CEP162: variants seen among roughly 807,000 people sequenced by gnomAD.
The protein encoded by CEP162 is centrosomal protein of 162 kDa.
In CEP162, 141 loss-of-function variants were observed where a neutral mutation model predicts 169.2. That is an observed-to-expected ratio of 0.83 (90% CI 0.73 to 0.96). The LOEUF is 0.96. Ranked by LOEUF, CEP162 falls within the 40% of genes least tolerant of loss-of-function variation. CEP162 has a pLI of 0.00. For synonymous variants in CEP162, 540 were observed against 526.4 expected, an observed-to-expected ratio of 1.03 and a Z score of -0.35; for missense variants, 1,600 against 1,587.2, an observed-to-expected ratio of 1.01 and a Z score of -0.14.
chr6:84,151,808 T>C (rs184436237), intron 23 of CEP162, among the ~76,000 whole-genome samples: 13 of 152,072 alleles, frequency 8.5e-5, no homozygotes, highest in Admixed American at 5.9e-4. Flanking sequence ...TGGTCAACAT[T>C]GTTGAAGAAA....
chr6:84,188,349 G>C (rs924068286), intron 11 of CEP162, among the ~76,000 whole-genome samples: 77 of 152,110 alleles, frequency 5.1e-4, no homozygotes, highest in African/African-American at 1.8e-3. Context: ...AATAAGCATA[G>C]TACCCAATAG....
At chr6:84,160,770 A>G in intron 21 of CEP162, 42 bp downstream of exon 21, 1 of 1,213,714 alleles carries the variant, frequency 8.2e-7, no homozygotes, top group Non-Finnish European at 1.2e-6. Context: ...AAAATGCACT[A>G]TATATAAAAT....
In CEP162 at chr6:84,200,903, C is replaced by G; in HGVS notation, c.721G>C (p.Val241Leu). The change falls in exon 9 of 27, where the codon GTG becomes CTG. Residue 241 changes from valine (V) to leucine (L), a missense_variant and splice_region_variant. Coordinates refer to ENST00000403245, the MANE Select transcript of CEP162 (RefSeq NM_014895.4). ...EEKTGMLANVVLLDSLDSVAE... is the reference protein window; with the variant it reads ...EEKTGMLANVLLLDSLDSVAE... ...ACAGAGTCTAATGAATCAAGCAGCA[C>G]AACTGGAAGAATATAAAAGAAAAAT... 5 of 1,566,546 alleles carry G rather than the reference C, an allele frequency of 3.2e-6. No homozygotes were observed. Among genetic ancestry groups the G allele is most frequent in the Non-Finnish European group, 4.4e-6 (5 of 1,139,360 alleles).
At chr6:84,198,363 C>T (rs1220711805) in intron 9 of CEP162, among the ~76,000 whole-genome samples, 5 of 152,018 alleles carry the variant, frequency 3.3e-5, no homozygotes, top group Admixed American at 2.0e-4. Flanking sequence ...CTGCAACCTC[C>T]GCCTCCCAGG....
chr6:84,187,721 T>G (rs940021879), intron 11 of CEP162, among the ~76,000 whole-genome samples: 7 of 152,192 alleles, frequency 4.6e-5, no homozygotes, highest in Non-Finnish European at 8.8e-5. Flanking sequence ...TGTTTTACAG[T>G]GGCAAAACAT....
In CEP162 at chr6:84,194,928, TGAG is replaced by T. The variant is rs772032646; in HGVS notation, c.980_982del (p.Pro327del). On this transcript the variant is annotated inframe_deletion, in exon 10 of 27. Transcript: ENST00000403245. The stretch of plus-strand genomic sequence containing the variant: ...GTTTTTTGAATTCTCTTCATTTTCT[TGAG>T]GATGACCTTTCACTGAGCTCTTGAT... 103 of 1,612,196 alleles carry T rather than the reference TGAG, an allele frequency of 6.4e-5. No individual in the cohort carries two copies. The highest frequency in any genetic ancestry group is 8.2e-5 in the Non-Finnish European group (97 of 1,179,462).
At chr6:84,149,844 G>C (rs2099520448) in intron 23 of CEP162, 141 bp from the exon 24 acceptor site, 6 of 550,042 alleles carry the variant, frequency 1.1e-5, no homozygotes, top group Non-Finnish European at 8.9e-6. Context: ...TGTGTTAGGT[G>C]CTTTATACAT....
At chr6:84,191,097 GATT>G (rs1380640453) in intron 11 of CEP162, among the ~76,000 whole-genome samples, 1 of 151,762 alleles carries the variant, frequency 6.6e-6, no homozygotes, top group Non-Finnish European at 1.5e-5. Flanking sequence ...GGACCAAAGC[GATT>G]ATTAAGTTAC....
In CEP162 at chr6:84,153,599, T is replaced by C. The variant is rs544850945; in HGVS notation, c.2995-420A>G. ...CACATTTTCAACCTTCTAACATCAA[T>C]TTATTACTTTCATAGAGAGTAAAAT... On this transcript the variant is annotated intron_variant, in intron 22 of 26. Transcript: ENST00000403245. Among the ~76,000 whole-genome samples, 841 of 152,292 alleles carry C rather than the reference T, an allele frequency of 5.5e-3. 5 individuals are homozygous for C. Among genetic ancestry groups the C allele is most frequent in the Non-Finnish European group, 8.7e-3 (593 of 68,028 alleles).
chr6:84,173,929 C>A, intron 16 of CEP162, 119 bp downstream of exon 16: 1 of 729,660 alleles, frequency 1.4e-6, no homozygotes, highest in East Asian at 2.9e-5. Context: ...AGGTGATCCG[C>A]CCACCTCATC....
At chr6:84,150,672 A>G (rs2099520754) in intron 23 of CEP162, among the ~76,000 whole-genome samples, 1 of 152,192 alleles carries the variant, frequency 6.6e-6, no homozygotes, top group South Asian at 2.1e-4. Context: ...AATGATGTAC[A>G]GGAAAATTAA....
chr6:84,162,396 A>T (rs946748763), intron 19 of CEP162, among the ~76,000 whole-genome samples: 1 of 152,192 alleles, frequency 6.6e-6, no homozygotes, highest in African/African-American at 2.4e-5. Flanking sequence ...GGAAAAGGGA[A>T]GCAAATGTCA....
At chr6:84,162,661 A>G (rs1361009541) in intron 19 of CEP162, among the ~76,000 whole-genome samples, 1 of 151,942 alleles carries the variant, frequency 6.6e-6, no homozygotes, top group Non-Finnish European at 1.5e-5. Flanking sequence ...TGGTATCCCA[A>G]TTCCTCTCAT....
At chr6:84,218,148 T>C (rs138544549) in intron 3 of CEP162, among the ~76,000 whole-genome samples, 1 of 152,280 alleles carries the variant, frequency 6.6e-6, no homozygotes, top group East Asian at 1.9e-4. Flanking sequence ...CATGAGGAAG[T>C]AACATTTCTG....
At chr6:84,177,267 C>A (rs1009994215) in intron 13 of CEP162, among the ~76,000 whole-genome samples, 1 of 152,196 alleles carries the variant, frequency 6.6e-6, no homozygotes, top group Non-Finnish European at 1.5e-5. Context: ...TCCTAAGTGA[C>A]AATCACTGTA....
At position 84,195,030 on chromosome 6, in the gene CEP162, T is replaced by G; in HGVS notation, c.881A>C (p.Gln294Pro). Residue 294 changes from glutamine (Q) to proline (P), a missense_variant, in exon 10 of 27, where the codon CAA becomes CCA. By Grantham distance (76) the Gln-to-Pro change is moderately conservative (BLOSUM62 -1). Transcript: ENST00000403245. ...TGAATGGGCTATATGACAATAAGCTTGATGTAGGGCTTCAACGTCACTACT... is the reference window on the plus strand; with the variant it reads ...TGAATGGGCTATATGACAATAAGCTGGATGTAGGGCTTCAACGTCACTACT... ...QSSSDVEALHQAYCHIAHSLG... is the reference protein window; with the variant it reads ...QSSSDVEALHPAYCHIAHSLG... 6.2e-7 allele frequency: 1 copy of G among 1,609,612 alleles called. No individual in the cohort carries two copies. Among genetic ancestry groups the G allele is most frequent in the Non-Finnish European group, 8.5e-7 (1 of 1,177,808 alleles).
intron 21 of CEP162, among the ~76,000 whole-genome samples, chr6:84,159,545 A>ATC (rs2099524751): frequency 2.5e-5 from 1 of 40,082 alleles, no homozygotes; most frequent in African/African-American, 1.1e-4. Context: ...ATATATATAT[A>ATC]TATTTTTTTT....
chr6:84,183,566 C>G (rs1288142484), intron 13 of CEP162, among the ~76,000 whole-genome samples: 1 of 152,140 alleles, frequency 6.6e-6, no homozygotes, highest in Non-Finnish European at 1.5e-5. Flanking sequence ...TTTGACCTCA[C>G]TAGGACTCAC....
At chr6:84,130,914 C>T (rs1285407994) in intron 25 of CEP162, among the ~76,000 whole-genome samples, 3 of 152,040 alleles carry the variant, frequency 2.0e-5, no homozygotes, top group Non-Finnish European at 4.4e-5. Flanking sequence ...AATTTGTTTG[C>T]TCTTGCTTCT....
Sources: gnomAD v4.1 joint callset for allele counts (sites outside exome capture counted in the v4.1 genomes callset) on GRCh38, gnomAD v4.1.1 for gene constraint, MANE v1.5 for transcripts, NCBI Gene and HGNC (gene_info 2026-07-23, HGNC 2026-07-21) for gene names.